SLC48A1: variants seen among roughly 807,000 people sequenced by gnomAD.
SLC48A1 encodes heme transporter HRG1.
SLC48A1 carries 6 observed loss-of-function variants against 14.8 expected under a neutral mutation model. The observed-to-expected ratio is 0.41, with a 90% CI of 0.22 to 0.80. SLC48A1 has a LOEUF of 0.80. Among genes scored for constraint, SLC48A1 ranks in the 30% least tolerant of loss-of-function variants. The pLI is 0.34. For synonymous variants in SLC48A1, 89 were observed against 90.0 expected, an observed-to-expected ratio of 0.99 and a Z score of 0.06; for missense variants, 165 against 204.8, an observed-to-expected ratio of 0.81 and a Z score of 1.19.
At chr12:47,768,062 C>T (rs1942554735), upstream of SLC48A1, among the ~76,000 whole-genome samples, 1 of 152,164 alleles carries the variant, frequency 6.6e-6, no homozygotes, top group Admixed American at 6.5e-5. Flanking sequence ...ACTGCAACCT[C>T]CACCTCCCAG....
chr12:47,757,807 T>C, upstream of SLC48A1: 1 of 1,466,234 alleles, frequency 6.8e-7, no homozygotes. Flanking sequence ...AGCCATGATC[T>C]AGGCCCCCCT....
At chr12:47,766,002 A>G (rs1942508313) in intron 2 of SLC48A1, among the ~76,000 whole-genome samples, 2 of 151,600 alleles carry the variant, frequency 1.3e-5, no homozygotes, top group African/African-American at 2.4e-5. Context: ...CCGCTGTCTT[A>G]CTCCATCTCT....
chr12:47,758,269 T>G (rs1942221840), upstream of SLC48A1: 5 of 1,431,788 alleles, frequency 3.5e-6, no homozygotes, highest in African/African-American at 5.7e-5. Context: ...CTGGCGCACT[T>G]AGGGGTCTCC....
chr12:47,769,350 T>G (rs1942580208), upstream of SLC48A1: 1 of 152,178 alleles, frequency 6.6e-6, no homozygotes, highest in African/African-American at 2.4e-5. Context: ...GGGTTGGGAG[T>G]GTACTCTCTG....
chr12:47,764,807 G>A (rs746538835), intron 2 of SLC48A1, among the ~76,000 whole-genome samples: 2 of 152,098 alleles, frequency 1.3e-5, no homozygotes, highest in South Asian at 2.1e-4. Context: ...GACCAGGTGC[G>A]GTGGCTCACG....
chr12:47,763,340 G>A (rs1942430046), intron 2 of SLC48A1, among the ~76,000 whole-genome samples: 1 of 152,120 alleles, frequency 6.6e-6, no homozygotes, highest in African/African-American at 2.4e-5. Context: ...TCACTAATAG[G>A]CCTCCCATGG....
rs1433201393 is a variant in SLC48A1 at position 47,779,047 on chromosome 12, C to T, written c.156C>T (p.Val52=). The change falls in exon 2 of 3, where the codon GTC becomes GTT. Residue 52 remains valine, a synonymous_variant. Coordinates refer to ENST00000442218, the MANE Select transcript of SLC48A1 (RefSeq NM_017842.3). ...GGLAGVLALW[V]LVTHVMYMQD... is the part of the protein sequence containing the mutation. ...CTGCAGGGGTGCTGGCACTGTGGGT[C>T]CTGGTGACGCACGTGATGTACATGC... The T allele has an allele frequency of 1.3e-6, 2 of 1,551,676 alleles. No homozygotes were observed. The highest frequency in any genetic ancestry group is 1.7e-6 in the Non-Finnish European group (2 of 1,146,976).
At chr12:47,760,687 G>A (rs1942353827) in intron 2 of SLC48A1, among the ~76,000 whole-genome samples, 1 of 152,148 alleles carries the variant, frequency 6.6e-6, no homozygotes. Flanking sequence ...GATCCTGTGA[G>A]GTATGTACTT....
Position 47,780,434 on chromosome 12 carries a change from C to T in SLC48A1, c.*153C>T. 1 of 1,204,342 alleles carries T rather than the reference C, an allele frequency of 8.3e-7. No homozygotes were observed. Among genetic ancestry groups the T allele is most frequent in the African/African-American group, 1.5e-5 (1 of 67,064 alleles). 74.6% of individuals were successfully genotyped at this position (1,204,342 alleles called of 1,614,324 possible). On this transcript the variant is annotated 3_prime_UTR_variant, in exon 3 of 3. Coordinates refer to ENST00000442218, the MANE Select transcript of SLC48A1 (RefSeq NM_017842.3). ...GAGTGTGGTCTCCCAGGAAGCTGTC[C>T]TGCCCGTCCCCTTTCGAGGAAACCT...
intron 2 of SLC48A1, among the ~76,000 whole-genome samples, chr12:47,760,799 C>G (rs7397585): frequency 0.12 from 17,821 of 152,180 alleles, 1,568 homozygotes; most frequent in East Asian, 0.42. Flanking sequence ...GGCATGAATC[C>G]AGGTTGTCTG....
intron 1 of SLC48A1, chr12:47,758,915 G>A (rs1942266094): frequency 3.7e-6 from 4 of 1,071,532 alleles, no homozygotes; most frequent in African/African-American, 3.3e-5. Flanking sequence ...CACACCCCCT[G>A]CGCTGCCCGC....
upstream of SLC48A1, among the ~76,000 whole-genome samples, chr12:47,770,164 T>C (rs919788241): frequency 1.3e-5 from 2 of 152,392 alleles, no homozygotes; most frequent in African/African-American, 4.8e-5. Flanking sequence ...ATTTAAAAAA[T>C]GTTTAAGCCT....
chr12:47,773,027 C>G (rs1451332476), upstream of SLC48A1, among the ~76,000 whole-genome samples: 1 of 152,126 alleles, frequency 6.6e-6, no homozygotes, highest in African/African-American at 2.4e-5. Context: ...AATCCGGACA[C>G]GGCGGGTCTG....
intron 2 of SLC48A1, among the ~76,000 whole-genome samples, chr12:47,760,658 T>C (rs1222361746): frequency 6.6e-6 from 1 of 152,174 alleles, no homozygotes; most frequent in African/African-American, 2.4e-5. Flanking sequence ...GTGCTTTCCA[T>C]GTGTTTAATC....
intron 2 of SLC48A1, 126 bp downstream of exon 2, chr12:47,779,321 A>T: frequency 7.6e-7 from 1 of 1,318,294 alleles, no homozygotes; most frequent in Non-Finnish European, 1.0e-6. Flanking sequence ...CTCCCCGGAC[A>T]CGGGTTTTGT....
upstream of SLC48A1, chr12:47,755,709 C>T (rs1417970162): frequency 6.6e-6 from 1 of 152,274 alleles, no homozygotes; most frequent in African/African-American, 2.4e-5. Flanking sequence ...TAGGTAGGAA[C>T]AGAAAGAGCT....
rs1220336390 is a variant in SLC48A1 at position 47,780,383 on chromosome 12, C to G, written c.*102C>G. 1 of 1,560,984 alleles carries G rather than the reference C, an allele frequency of 6.4e-7. No individual in the cohort carries two copies. Among genetic ancestry groups the G allele is most frequent in the East Asian group, 2.2e-5 (1 of 44,614 alleles). The stretch of plus-strand genomic sequence containing the variant: ...CTCCCACCCCCTGGTGACCCCAGAA[C>G]TGTGGCAGAAAATACACAGCAGGAC... On this transcript the variant is annotated 3_prime_UTR_variant, in exon 3 of 3. Transcript: ENST00000442218.
chr12:47,758,192 G>T (rs1208573312), upstream of SLC48A1: 2 of 1,446,496 alleles, frequency 1.4e-6, no homozygotes, highest in East Asian at 2.5e-5. Context: ...CTGGTCAGGC[G>T]GAGGTGCTGC....
upstream of SLC48A1, among the ~76,000 whole-genome samples, chr12:47,757,626 TC>T (rs879471161): frequency 2.0e-5 from 3 of 151,508 alleles, no homozygotes; most frequent in Non-Finnish European, 4.4e-5. Context: ...CCTTTCCCCT[TC>T]CCCCCATGCC....
Sources: gnomAD v4.1 joint callset for allele counts (sites outside exome capture counted in the v4.1 genomes callset) on GRCh38, gnomAD v4.1.1 for gene constraint, MANE v1.5 for transcripts, NCBI Gene and HGNC (gene_info 2026-07-23, HGNC 2026-07-21) for gene names.